PRH1: variants seen among roughly 807,000 people sequenced by gnomAD.
PRH1 encodes the protein salivary acidic proline-rich phosphoprotein 1/2.
A neutral mutation model predicts 7.9 loss-of-function variants in PRH1; 7 were observed. That is an observed-to-expected ratio of 0.89 (90% confidence interval 0.50 to 1.67). The LOEUF (loss-of-function observed/expected upper bound fraction) is 1.67, where lower values mean the gene tolerates loss of function less well. Among genes scored for constraint, PRH1 ranks in the 40% most tolerant of loss-of-function variants. The probability of loss-of-function intolerance (pLI) is 0.00; values close to 1 mark genes in which losing one functional copy is unlikely to be tolerated. For synonymous variants in PRH1, 45 were observed against 80.8 expected (o/e 0.56, Z 2.38); for missense variants, 109 against 223.6 (o/e 0.49, Z 3.27).
At chr12:11,138,087 T>C (rs2597919) in intron 1 of PRH1, among the ~76,000 whole-genome samples, 69,154 of 152,012 alleles carry the variant, frequency 0.45, 16,533 homozygotes, top group Non-Finnish European at 0.52. Flanking sequence ...TATTTTATTA[T>C]ACTTTAAAAA....
rs1474965989 is a variant in PRH1 at position 11,090,055 on chromosome 12, C to A, written n.124-42867G>T. On this transcript the variant is annotated intron_variant and non_coding_transcript_variant, in intron 1 of 4. Transcript: ENST00000541977. ...ACATCAGCTTACCCATTTTAGCCACCCATTTATTTGTTCATTAAAGTATTA... is the reference window on the plus strand; with the variant it reads ...ACATCAGCTTACCCATTTTAGCCACACATTTATTTGTTCATTAAAGTATTA... Among the ~76,000 whole-genome samples, 2 of 115,856 alleles carry A rather than the reference C, an allele frequency of 1.7e-5. 1 individual carries two copies. The highest frequency in any genetic ancestry group is 5.8e-5 in the African/African-American group (2 of 34,624). The allele number at this position is 115,856 out of a possible 152,430, so 76.0% of individuals were successfully genotyped here.
chr12:10,923,773 A>G (rs891746570), intron 2 of PRH1, among the ~76,000 whole-genome samples: 2 of 152,106 alleles, frequency 1.3e-5, no homozygotes, highest in Non-Finnish European at 2.9e-5. Context: ...TGCTTTAGGT[A>G]TGCCTCTTGA....
upstream of PRH1, chr12:10,884,276 C>T: frequency 6.2e-7 from 1 of 1,609,624 alleles, no homozygotes; most frequent in Non-Finnish European, 8.5e-7. Context: ...TGTCAGCTCC[C>T]TTTATAAAGA....
At chr12:11,055,664 C>G (rs906405665) in intron 1 of PRH1, among the ~76,000 whole-genome samples, 5 of 152,174 alleles carry the variant, frequency 3.3e-5, no homozygotes, top group African/African-American at 1.2e-4. Context: ...CATTTGCCAG[C>G]ATGCAAATCA....
intron 2 of PRH1, among the ~76,000 whole-genome samples, chr12:10,896,569 C>T (rs1045864377): frequency 2.0e-4 from 31 of 152,022 alleles, no homozygotes; most frequent in Non-Finnish European, 3.4e-4. Context: ...CGAGACCAGC[C>T]TGGCCAACAT....
intron 1 of PRH1, chr12:11,061,417 A>G (rs1175923241): frequency 1.7e-5 from 27 of 1,613,922 alleles, no homozygotes; most frequent in Non-Finnish European, 2.2e-5. Context: ...ATGCCACAAA[A>G]CTGAAAGAAA....
chr12:10,926,038 A>C (rs1950117854), intron 2 of PRH1, among the ~76,000 whole-genome samples: 1 of 152,358 alleles, frequency 6.6e-6, no homozygotes, highest in East Asian at 1.9e-4. Flanking sequence ...TGGAAAGAAT[A>C]GAAATATGAT....
chr12:10,955,737 C>A (rs7139132), intron 2 of PRH1, among the ~76,000 whole-genome samples: 149,651 of 152,264 alleles, frequency 0.98, 73,576 homozygotes, highest in Middle Eastern at 1. Context: ...CAAAAATGAC[C>A]AAGTGGATAT....
intron 2 of PRH1, chr12:10,964,668 G>C (rs1938416737): frequency 1.7e-6 from 1 of 592,266 alleles, no homozygotes; most frequent in Non-Finnish European, 3.0e-6. Context: ...GTCACCGTTT[G>C]CAAAGCTTTT....
At chr12:11,032,504 T>A (rs1942269221) in intron 1 of PRH1, among the ~76,000 whole-genome samples, 1 of 152,190 alleles carries the variant, frequency 6.6e-6, no homozygotes. Flanking sequence ...CACACAAATA[T>A]ACACATGTGC....
intron 2 of PRH1, among the ~76,000 whole-genome samples, chr12:10,949,322 G>C (rs1046717243): frequency 3.9e-5 from 6 of 152,180 alleles, no homozygotes; most frequent in Non-Finnish European, 7.4e-5. Context: ...ACTGCATCTT[G>C]TTGGAGGTAT....
At chr12:11,094,656 A>G (rs1379195007) in intron 1 of PRH1, among the ~76,000 whole-genome samples, 1 of 116,236 alleles carries the variant, frequency 8.6e-6, no homozygotes, top group Non-Finnish European at 2.0e-5. Context: ...GAATGTATAC[A>G]AATATTTGAT....
chr12:11,056,287 T>A (rs1943359774), intron 1 of PRH1, among the ~76,000 whole-genome samples: 1 of 152,288 alleles, frequency 6.6e-6, no homozygotes, highest in South Asian at 2.1e-4. Context: ...TCTCTGTGTA[T>A]GAATAGTCAG....
rs575692948 is a variant in PRH1, at chr12:11,098,862, C to A, written n.124-51674G>T. Reference sequence around the variant, plus strand: ...ATGTGCACACCACTTATGAATGGAACAAATTATTTTCTCAAAATTTCCAAA... The same window carrying A: ...ATGTGCACACCACTTATGAATGGAAAAAATTATTTTCTCAAAATTTCCAAA... On this transcript the variant is annotated intron_variant and non_coding_transcript_variant, in intron 1 of 4. Transcript: ENST00000541977. Among the ~76,000 whole-genome samples, 4 of 152,242 alleles carry A rather than the reference C, an allele frequency of 2.6e-5. No homozygotes were observed. In the East Asian group the frequency reaches 7.7e-4, roughly 29 times the overall value.
intron 1 of PRH1, among the ~76,000 whole-genome samples, chr12:11,109,599 C>A (rs1945529879): frequency 2.0e-5 from 3 of 151,942 alleles, no homozygotes; most frequent in Admixed American, 2.0e-4. Flanking sequence ...GAAGGAAAAT[C>A]AACAAACAAA....
At chr12:11,038,425 TACA>T (rs1194977685) in intron 1 of PRH1, among the ~76,000 whole-genome samples, 1 of 152,290 alleles carries the variant, frequency 6.6e-6, no homozygotes, top group Non-Finnish European at 1.5e-5. Flanking sequence ...TATGTTTCAC[TACA>T]GAGTTTTATC....
At chr12:11,066,979 A>G (rs148831322) in intron 1 of PRH1, among the ~76,000 whole-genome samples, 545 of 152,238 alleles carry the variant, frequency 3.6e-3, no homozygotes, top group Middle Eastern at 0.01. Flanking sequence ...ATATGAATAT[A>G]GAAAAATACT....
intron 1 of PRH1, among the ~76,000 whole-genome samples, chr12:11,112,065 A>C (rs1945604989): frequency 6.6e-6 from 1 of 152,246 alleles, no homozygotes. Context: ...GAAATGGATA[A>C]AATACTGGAC....
At position 11,076,541 on chromosome 12, in the gene PRH1, T is replaced by A. The variant is rs1228876091; in HGVS notation, n.124-29353A>T. ...TGGCTAAGAAAATAAATGGAAATAC[T>A]TGACATCAGATGTCAACTTCACAAA... On this transcript the variant is annotated intron_variant and non_coding_transcript_variant, in intron 1 of 4. Coordinates refer to the PRH1 transcript ENST00000541977. 6.1e-5 allele frequency among the ~76,000 whole-genome samples: 8 copies of A among 132,144 alleles called. 1 individual carries two copies. The highest frequency in any genetic ancestry group is 3.6e-3 in the Middle Eastern group (1 of 280). The allele number at this position is 132,144 out of a possible 152,430, so 86.7% of individuals were successfully genotyped here.
Sources: gnomAD v4.1 joint callset for allele counts (sites outside exome capture counted in the v4.1 genomes callset) on GRCh38, gnomAD v4.1.1 for gene constraint, MANE v1.5 for transcripts, NCBI Gene and HGNC (gene_info 2026-07-23, HGNC 2026-07-21) for gene names.